SGSH: variants seen among roughly 807,000 people sequenced by gnomAD.
SGSH encodes the protein heparan sulfate sulfatase.
In SGSH, 48 loss-of-function variants were observed where a neutral mutation model predicts 51.0. That is an observed-to-expected ratio of 0.94 (90% CI 0.75 to 1.20). The LOEUF (loss-of-function observed/expected upper bound fraction) is 1.20, where lower values mean the gene tolerates loss of function less well. SGSH is among the 50% of genes most tolerant of loss of function. The pLI is 0.00. For synonymous variants in SGSH, 321 were observed against 313.4 expected, an observed-to-expected ratio of 1.02 and a Z score of -0.26; for missense variants, 662 against 717.8, an observed-to-expected ratio of 0.92 and a Z score of 0.89.
At chr17:80,205,723 G>A (rs1388630934), downstream of SGSH, 1 of 1,452,652 alleles carries the variant, frequency 6.9e-7, no homozygotes, top group South Asian at 1.4e-5. Flanking sequence ...GGAGGGGGAT[G>A]AGATAAAGGT....
chr17:80,210,907 G>A lies in SGSH; in HGVS notation c.1054C>T (p.Leu352=), dbSNP rs2144697189. The change falls in exon 8 of 8, where the codon CTG becomes TTG. Residue 352 remains leucine (L), a synonymous_variant. Transcript: ENST00000326317. ...GTGGCCCAGAGGGGCTCGGCCTCCA[G>A]CGCCGGCAGGAGGGACCGGCCAGTG... ...HLTGRSLLPA[L]EAEPLWATVF... is the part of the protein sequence containing the mutation. The A allele has an allele frequency of 1.9e-6, 3 of 1,610,996 alleles. No homozygotes were observed. The highest frequency in any genetic ancestry group is 2.5e-6 in the Non-Finnish European group (3 of 1,179,960).
chr17:80,203,744 T>C (rs2041118290), downstream of SGSH: 2 of 1,124,350 alleles, frequency 1.8e-6, no homozygotes, highest in African/African-American at 3.2e-5. This position sits in a 1 kb window ranked among gnomAD's most constrained non-coding sequence, Gnocchi z 4.6. Flanking sequence ...TCTCCCCCAC[T>C]CTCCCCTGCT....
downstream of SGSH, chr17:80,208,509 TCA>T: frequency 3.4e-6 from 2 of 590,986 alleles, no homozygotes; most frequent in African/African-American, 1.9e-5. Context: ...CACGTGCAGG[TCA>T]CACACAGTGA....
In SGSH at chr17:80,209,322, T is replaced by A; in HGVS notation, c.*1130A>T. ...TGTATATTTTACTAAAATAAAAAGCTTTTACAATAGCTGGCCTGTGGCCTC... is the reference window on the plus strand; with the variant it reads ...TGTATATTTTACTAAAATAAAAAGCATTTACAATAGCTGGCCTGTGGCCTC... On this transcript the variant is annotated 3_prime_UTR_variant, in exon 8 of 8. Transcript: ENST00000326317. 1.0e-6 allele frequency: 1 copy of A among 985,340 alleles called. No homozygotes were observed. The highest frequency in any genetic ancestry group is 1.2e-6 in the Non-Finnish European group (1 of 829,872). 61.0% of individuals were successfully genotyped at this position (985,340 alleles called of 1,614,324 possible).
chr17:80,213,721 T>G lies in SGSH; in HGVS notation c.745+83A>C. The G allele has an allele frequency of 8.3e-7, 1 of 1,199,436 alleles. No individual in the cohort carries two copies. Among genetic ancestry groups the G allele is most frequent in the Non-Finnish European group, 1.2e-6 (1 of 839,074 alleles). 74.3% of individuals were successfully genotyped at this position (1,199,436 alleles called of 1,614,324 possible). On this transcript the variant is annotated intron_variant, in intron 6 of 7. Transcript: ENST00000326317. This position sits in a 1 kb window ranked among gnomAD's most constrained non-coding sequence, Gnocchi z 4.6. ...CACACTGGGACCCTCACCCACATTA[T>G]GCCGTGACCTAAGAGGGCGCTGGCC...
At position 80,213,698 on chromosome 17, in the gene SGSH, C is replaced by T; in HGVS notation, c.745+106G>A. 1 of 1,010,690 alleles carries T rather than the reference C, an allele frequency of 9.9e-7. No individual in the cohort carries two copies. The highest frequency in any genetic ancestry group is 1.4e-5 in the South Asian group (1 of 72,736). The allele number at this position is 1,010,690 out of a possible 1,614,324, so 62.6% of individuals were successfully genotyped here. A position where few individuals can be genotyped will look rare whatever the true frequency, so the allele number is the denominator to read the frequency against. ...GCCAGCTGCAGCACAGGGCCTGCCA[C>T]ACTGGGACCCTCACCCACATTATGC... is the stretch of plus-strand genomic sequence containing the variant. On this transcript the variant is annotated intron_variant, in intron 6 of 7. Coordinates refer to ENST00000326317, the MANE Select transcript of SGSH (RefSeq NM_000199.5). This position sits in a 1 kb window ranked among gnomAD's most constrained non-coding sequence, Gnocchi z 4.6.
Position 80,214,344 on chromosome 17 carries a change from C to T in SGSH, c.507-16G>A. 1 of 1,609,730 alleles carries T rather than the reference C, an allele frequency of 6.2e-7. No homozygotes were observed. The highest frequency in any genetic ancestry group is 8.5e-7 in the Non-Finnish European group (1 of 1,177,958). ...GAAGAAAGGCCTGCACGGGAGGAGG[C>T]TCATTGCCAAGGCTGCGGGGCCACT... is the stretch of plus-strand genomic sequence containing the variant. On this transcript the variant is annotated splice_polypyrimidine_tract_variant and intron_variant, in intron 4 of 7. Transcript: ENST00000326317.
intron 1 of SGSH, among the ~76,000 whole-genome samples, chr17:80,217,931 G>A (rs2041952900): frequency 1.3e-5 from 2 of 152,100 alleles, no homozygotes; most frequent in Admixed American, 6.5e-5. Context: ...CTGATAGCTG[G>A]TGGGTATAAG....
At chr17:80,211,830 G>A in intron 7 of SGSH, 1 of 575,784 alleles carries the variant, frequency 1.7e-6, no homozygotes, top group Non-Finnish European at 3.1e-6. Flanking sequence ...GGTTTTGAAA[G>A]CAGCAGGATC....
In SGSH at chr17:80,212,414, C is replaced by T. The variant is rs112816244; in HGVS notation, c.746-140G>A. The T allele has an allele frequency of 1.3e-6, 1 of 751,996 alleles. No individual in the cohort carries two copies. Among genetic ancestry groups the T allele is most frequent in the Non-Finnish European group, 2.3e-6 (1 of 433,854 alleles). The allele number at this position is 751,996 out of a possible 1,614,324, so 46.6% of individuals were successfully genotyped here. A position where few individuals can be genotyped will look rare whatever the true frequency, so the allele number is the denominator to read the frequency against. On this transcript the variant is annotated intron_variant, in intron 6 of 7. Coordinates refer to ENST00000326317, the MANE Select transcript of SGSH (RefSeq NM_000199.5). The surrounding 1 kb of genome is among the most constrained non-coding windows in gnomAD (Gnocchi z 5.9). ...GATTCGAAAGCACCCTGTAGTTCTTCCCAATGGCCCTGGCTCTTGCCCAGC... is the reference window on the plus strand; with the variant it reads ...GATTCGAAAGCACCCTGTAGTTCTTTCCAATGGCCCTGGCTCTTGCCCAGC...
rs760216365 is a variant in SGSH at position 80,214,159 on chromosome 17, G to A, written c.663+13C>T. On this transcript the variant is annotated intron_variant, in intron 5 of 7. Transcript: ENST00000326317. The stretch of plus-strand genomic sequence containing the variant: ...CTGACGGGCGTCCTGAAACACAGGA[G>A]GGGCCGTCCTACCAGCACGTCCAGT... The A allele has an allele frequency of 1.7e-5, 27 of 1,602,734 alleles. No individual in the cohort carries two copies. The African/African-American group carries it at 2.5e-4, about 15-fold the overall frequency.
chr17:80,201,667 G>C, the SGSH span: 1 of 1,534,430 alleles, frequency 6.5e-7, no homozygotes, highest in South Asian at 1.1e-5. This position sits in a 1 kb window ranked among gnomAD's most constrained non-coding sequence, Gnocchi z 5.0. Flanking sequence ...TCGCCTCAGT[G>C]CCCTCAGCGC....
At position 80,212,263 on chromosome 17, in the gene SGSH, C is replaced by T; in HGVS notation, c.757G>A (p.Val253Met). Residue 253 changes from valine to methionine, a missense_variant, in exon 7 of 8, where the codon GTG (valine) becomes ATG (methionine). Transcript: ENST00000326317. The surrounding 1 kb of genome is among the most constrained non-coding windows in gnomAD (Gnocchi z 5.9). ...VGRMDQGVGLVLQELRDAGVL... is the reference protein window; with the variant it reads ...VGRMDQGVGLMLQELRDAGVL... ...CCGGCGTCACGCAGCTCCTGGAGCA[C>T]CAGTCCAACTCCTGTGGTGAGGGGC... is the stretch of plus-strand genomic sequence containing the variant. 1 of 1,608,924 alleles carries T rather than the reference C, an allele frequency of 6.2e-7. No individual in the cohort carries two copies. The highest frequency in any genetic ancestry group is 1.1e-5 in the South Asian group (1 of 90,380).
Position 80,214,366 on chromosome 17 carries a change from C to T in SGSH, c.507-38G>A, listed in dbSNP as rs200492833. ...AGGCTCATTGCCAAGGCTGCGGGGCCACTGCCACGTGGCACAGGAAGCCCC... is the reference window on the plus strand; with the variant it reads ...AGGCTCATTGCCAAGGCTGCGGGGCTACTGCCACGTGGCACAGGAAGCCCC... On this transcript the variant is annotated intron_variant, in intron 4 of 7. Coordinates refer to ENST00000326317, the MANE Select transcript of SGSH (RefSeq NM_000199.5). 7.6e-4 allele frequency: 1,214 copies of T among 1,601,528 alleles called. 9 individuals are homozygous for T. In the African/African-American group the frequency reaches 0.014, roughly 19 times the overall value.
intron 2 of SGSH, 35 bp from the exon 3 acceptor site, chr17:80,215,173 G>A (rs756113854): frequency 1.4e-5 from 22 of 1,524,158 alleles, no homozygotes; most frequent in Non-Finnish European, 1.9e-5. Flanking sequence ...CGGGGCCCCC[G>A]GACAGCCAGA....
downstream of SGSH, chr17:80,201,951 G>T: frequency 6.7e-7 from 1 of 1,495,638 alleles, no homozygotes. This position sits in a 1 kb window ranked among gnomAD's most constrained non-coding sequence, Gnocchi z 5.0. Context: ...TCTTCTGCAC[G>T]CCCAGCAGCC....
chr17:80,216,396 G>C (rs1298867242), intron 2 of SGSH, among the ~76,000 whole-genome samples: 1 of 152,112 alleles, frequency 6.6e-6, no homozygotes, highest in Non-Finnish European at 1.5e-5. Flanking sequence ...CAGATTCATA[G>C]AGACAGGGGA....
At chr17:80,201,678 C>G in the SGSH span, 1 of 1,592,800 alleles carries the variant, frequency 6.3e-7, no homozygotes, top group Non-Finnish European at 8.6e-7. The surrounding 1 kb of genome is among the most constrained non-coding windows in gnomAD (Gnocchi z 5.0). Context: ...CCCTCAGCGC[C>G]TTCTGTCTTC....
At chr17:80,204,325 C>G (rs141954518), downstream of SGSH, 8 of 1,581,650 alleles carry the variant, frequency 5.1e-6, no homozygotes, top group Non-Finnish European at 6.9e-6. Context: ...GCCAGTTGGA[C>G]CCCAGCAGGA....
Sources: allele counts gnomAD v4.1 joint callset (sites outside exome capture counted in the v4.1 genomes callset), GRCh38; gene constraint gnomAD v4.1.1; non-coding constraint Gnocchi (gnomAD v3.1); transcripts MANE v1.5; gene names NCBI Gene and HGNC (gene_info 2026-07-23, HGNC 2026-07-21).